Variants in NDUFAF6 observed in about 807,000 individuals in gnomAD.
NDUFAF6 encodes the protein NADH dehydrogenase (ubiquinone) complex I, assembly factor 6.
NDUFAF6 carries 45 observed loss-of-function variants against 40.8 expected under a neutral mutation model. The ratio of observed to expected loss-of-function variants is 1.10; its 90% CI spans 0.87 to 1.42. The LOEUF is 1.42. Ranked by LOEUF, NDUFAF6 falls within the 40% of genes most tolerant of loss-of-function variation. The pLI, the probability that NDUFAF6 is intolerant of heterozygous loss-of-function variation, is 0.00. For missense variants in NDUFAF6, 435 were observed against 418.5 expected (o/e 1.04, Z -0.34); for synonymous variants, 185 against 155.9 (o/e 1.19, Z -1.39).
chr8:95,048,318 T>C, intron 6 of NDUFAF6, 139 bp from the exon 7 acceptor site: 1 of 693,898 alleles, frequency 1.4e-6, no homozygotes. Flanking sequence ...AAAATAGGCA[T>C]TAAACTGTAC....
At chr8:95,016,961 T>G (rs1827480624) in intron 2 of NDUFAF6, among the ~76,000 whole-genome samples, 1 of 143,634 alleles carries the variant, frequency 7.0e-6, no homozygotes, top group Non-Finnish European at 1.5e-5. Flanking sequence ...TGAGACAGGG[T>G]CTTGCTCTGT....
chr8:94,979,229 G>A (rs571849714), intron 1 of NDUFAF6, among the ~76,000 whole-genome samples: 2 of 152,232 alleles, frequency 1.3e-5, no homozygotes, highest in South Asian at 4.2e-4. Flanking sequence ...TTTTGATGGT[G>A]TGGGCCATTT....
rs1338478668 is a variant in NDUFAF6, at chr8:94,980,616, GT to G, written c.-198-234del. Among the ~76,000 whole-genome samples the G allele has an allele frequency of 8.0e-4, 63 of 78,438 alleles. 1 individual carries two copies. Among genetic ancestry groups the G allele is most frequent in the East Asian group, 4.1e-3 (10 of 2,438 alleles). 51.5% of individuals were successfully genotyped at this position (78,438 alleles called of 152,430 possible). A position where few individuals can be genotyped will look rare whatever the true frequency, so the allele number is the denominator to read the frequency against. On this transcript the variant is annotated intron_variant, in intron 1 of 9. Coordinates refer to the NDUFAF6 transcript ENST00000396111. Reference sequence around the variant, plus strand: ...CTGTCACCACAACTGGCTAATTTTTGTTTTTTTTTAGTAGGGGGGTGGGGGG... The same window carrying G: ...CTGTCACCACAACTGGCTAATTTTTGTTTTTTTTAGTAGGGGGGTGGGGGG...
At chr8:95,061,357 A>T (rs1259889848), downstream of NDUFAF6, among the ~76,000 whole-genome samples, 1 of 152,138 alleles carries the variant, frequency 6.6e-6, no homozygotes, top group Non-Finnish European at 1.5e-5. Flanking sequence ...TATTGGCTTA[A>T]TCGATTGCCT....
At chr8:95,061,479 G>C (rs1172731260), downstream of NDUFAF6, among the ~76,000 whole-genome samples, 5 of 152,204 alleles carry the variant, frequency 3.3e-5, no homozygotes, top group Admixed American at 6.5e-5. Flanking sequence ...ATTGGGAAGG[G>C]TGTTGGAAAT....
intron 2 of NDUFAF6, chr8:94,989,133 A>T (rs1826077739): frequency 2.0e-5 from 3 of 152,220 alleles, no homozygotes; most frequent in Admixed American, 6.5e-5. Flanking sequence ...AGTGAATTGT[A>T]TGCTATGTGA....
At chr8:95,104,571 T>C (rs1222936552), downstream of NDUFAF6, among the ~76,000 whole-genome samples, 15 of 152,314 alleles carry the variant, frequency 9.8e-5, no homozygotes, top group Admixed American at 5.9e-4. Flanking sequence ...CTAAGGATGT[T>C]TATGTAGTGA....
chr8:95,006,392 GA>G lies in NDUFAF6; in HGVS notation c.-84+25426del, dbSNP rs529029628. On this transcript the variant is annotated intron_variant, in intron 2 of 9. Transcript: ENST00000396111. The stretch of plus-strand genomic sequence containing the variant: ...AAAAAAAAAAGAAAGAAAAGAAAAA[GA>G]AAAAAAGACATCTCTGTAAGACTTA... Among the ~76,000 whole-genome samples the G allele has an allele frequency of 3.0e-3, 432 of 145,690 alleles. 4 individuals are homozygous for G. The highest frequency in any genetic ancestry group is 7.4e-3 in the Middle Eastern group (2 of 272).
At chr8:95,030,214 A>ATTATTTATTTATTTATTTAT (rs763490509) in intron 1 of NDUFAF6, among the ~76,000 whole-genome samples, 7 of 150,702 alleles carry the variant, frequency 4.6e-5, no homozygotes, top group African/African-American at 1.7e-4. Flanking sequence ...AATTGTTACT[A>ATTATTTATTTATTTATTTAT]TTATTTATTT....
At chr8:95,104,116 A>G (rs151157739), downstream of NDUFAF6, among the ~76,000 whole-genome samples, 127 of 152,236 alleles carry the variant, frequency 8.3e-4, no homozygotes, top group African/African-American at 2.8e-3. Context: ...ACCTCAAGCA[A>G]TCCTCCTGCC....
chr8:94,944,786 A>G (rs537839295), intron 1 of NDUFAF6, among the ~76,000 whole-genome samples: 1 of 152,320 alleles, frequency 6.6e-6, no homozygotes, highest in South Asian at 2.1e-4. Flanking sequence ...CTGGAGCTAA[A>G]TTGGCCCTTC....
chr8:95,086,619 T>C (rs1042356862), intron 2 of NDUFAF6, among the ~76,000 whole-genome samples: 4 of 118,166 alleles, frequency 3.4e-5, no homozygotes, highest in Admixed American at 9.0e-5. Context: ...TTTTTTTTTT[T>C]CGAGACGGAG....
At chr8:95,027,800 T>G (rs1054112449) in intron 1 of NDUFAF6, among the ~76,000 whole-genome samples, 3 of 152,214 alleles carry the variant, frequency 2.0e-5, no homozygotes, top group African/African-American at 7.2e-5. Context: ...ATTTGGCCTC[T>G]GAAATTATGC....
chr8:94,932,125 T>G, intron 1 of NDUFAF6: 1 of 1,606,206 alleles, frequency 6.2e-7, no homozygotes, highest in Non-Finnish European at 8.5e-7. Context: ...TGTTAAATGG[T>G]GAACTATTAA....
intron 3 of NDUFAF6, chr8:95,036,323 T>C (rs1234916332): frequency 3.9e-6 from 5 of 1,287,166 alleles, no homozygotes; most frequent in Admixed American, 4.6e-5. Context: ...AGAGGGTTTC[T>C]GTAACAGGAG....
At chr8:95,071,403 GAAAAAA>G (rs10583999) in intron 9 of NDUFAF6, among the ~76,000 whole-genome samples, 4 of 105,490 alleles carry the variant, frequency 3.8e-5, no homozygotes, top group Admixed American at 1.1e-4. Flanking sequence ...GTCTCCAAAA[GAAAAAA>G]AAAAAAAAAA....
At chr8:94,933,840 G>GT (rs1005719752) in intron 1 of NDUFAF6, among the ~76,000 whole-genome samples, 10 of 148,602 alleles carry the variant, frequency 6.7e-5, no homozygotes, top group South Asian at 2.2e-4. Flanking sequence ...TTTGTGGGGG[G>GT]GGGGGGAGGA....
At chr8:94,934,389 ATT>A (rs757874716) in intron 1 of NDUFAF6, among the ~76,000 whole-genome samples, 5 of 143,298 alleles carry the variant, frequency 3.5e-5, no homozygotes, top group African/African-American at 5.1e-5. Flanking sequence ...TATAAATTCT[ATT>A]TTTTTTTTTT....
downstream of NDUFAF6, among the ~76,000 whole-genome samples, chr8:95,079,640 A>G (rs1228586149): frequency 6.6e-6 from 1 of 152,246 alleles, no homozygotes; most frequent in African/African-American, 2.4e-5. Context: ...ATTAAACTAT[A>G]GGACCAAACT....
Sources: gnomAD v4.1 joint callset for allele counts (sites outside exome capture counted in the v4.1 genomes callset) on GRCh38, gnomAD v4.1.1 for gene constraint, MANE v1.5 for transcripts, NCBI Gene and HGNC (gene_info 2026-07-23, HGNC 2026-07-21) for gene names.